CDKAL1: variants seen among roughly 807,000 people sequenced by gnomAD.
The protein encoded by CDKAL1 is threonylcarbamoyladenosine tRNA methylthiotransferase.
CDKAL1 carries 32 observed loss-of-function variants against 68.2 expected under a neutral mutation model. That is an observed-to-expected ratio of 0.47 (90% CI 0.35 to 0.63). CDKAL1 has a LOEUF of 0.63. CDKAL1 is among the 30% of genes least tolerant of loss of function. The pLI is 0.00. For missense variants in CDKAL1, 606 were observed against 696.7 expected (o/e 0.87, Z 1.47); for synonymous variants, 234 against 244.3 (o/e 0.96, Z 0.39).
chr6:20,818,184 G>A (rs567130763), intron 8 of CDKAL1, among the ~76,000 whole-genome samples: 1 of 152,030 alleles, frequency 6.6e-6, no homozygotes, highest in African/African-American at 2.4e-5. Context: ...TCACAATCAA[G>A]GGCTAGATTA....
chr6:21,181,246 ACT>A (rs1777778737), intron 13 of CDKAL1, among the ~76,000 whole-genome samples: 1 of 152,154 alleles, frequency 6.6e-6, no homozygotes, highest in African/African-American at 2.4e-5. Context: ...ACATCTCAAC[ACT>A]CTTACAATGG....
intron 12 of CDKAL1, 130 bp downstream of exon 12, chr6:21,065,358 TGGGGTCA>T: frequency 2.7e-6 from 2 of 737,354 alleles, no homozygotes; most frequent in South Asian, 4.0e-5. Context: ...ATTTCCAAGT[TGGGGTCA>T]GGGGCCAGGG....
At chr6:20,991,279 G>C (rs1766779930) in intron 10 of CDKAL1, among the ~76,000 whole-genome samples, 1 of 152,180 alleles carries the variant, frequency 6.6e-6, no homozygotes, top group South Asian at 2.1e-4. Flanking sequence ...AGCAGTTATG[G>C]GAGAGTTGTT....
chr6:20,995,349 C>T lies in CDKAL1; in HGVS notation c.910-4878C>T, dbSNP rs143987037. ...TCCTTTCCAGAAGGCTTTTAATTTA[C>T]TTTACCTAGATCCACCAGAGGAATC... On this transcript the variant is annotated intron_variant, in intron 10 of 15. Coordinates refer to ENST00000274695, the MANE Select transcript of CDKAL1 (RefSeq NM_017774.3). Among the ~76,000 whole-genome samples, 17 of 152,296 alleles carry T rather than the reference C, an allele frequency of 1.1e-4. No homozygotes were observed. The East Asian group carries it at 3.3e-3, about 29-fold the overall frequency.
chr6:20,578,529 G>A (rs1168352364), intron 4 of CDKAL1, among the ~76,000 whole-genome samples: 1 of 152,210 alleles, frequency 6.6e-6, no homozygotes, highest in African/African-American at 2.4e-5. Flanking sequence ...CAACAGAAAT[G>A]TGTATACTAG....
intron 11 of CDKAL1, among the ~76,000 whole-genome samples, chr6:21,060,658 C>G (rs1262974265): frequency 6.6e-6 from 1 of 151,942 alleles, no homozygotes. Flanking sequence ...AAATTTTTCT[C>G]TAAGCACTGC....
intron 9 of CDKAL1, among the ~76,000 whole-genome samples, chr6:20,938,567 G>A (rs139009868): frequency 1.3e-3 from 191 of 152,100 alleles, no homozygotes; most frequent in African/African-American, 4.1e-3. Context: ...CTATTAAAAT[G>A]AAATAATATT....
intron 11 of CDKAL1, among the ~76,000 whole-genome samples, chr6:21,003,594 T>C (rs550496785): frequency 4.2e-4 from 64 of 151,498 alleles, no homozygotes; most frequent in African/African-American, 1.4e-3. Context: ...AAAAAAGAAA[T>C]AAATGAAATA....
chr6:20,874,311 T>G (rs1467489730), intron 9 of CDKAL1, among the ~76,000 whole-genome samples: 1 of 30,974 alleles, frequency 3.2e-5, no homozygotes, highest in Non-Finnish European at 6.5e-5. Context: ...GTTTGTTTGT[T>G]TTTTTTTTGA....
At chr6:20,993,083 A>G (rs1398991154) in intron 10 of CDKAL1, among the ~76,000 whole-genome samples, 2 of 152,144 alleles carry the variant, frequency 1.3e-5, no homozygotes, top group African/African-American at 4.8e-5. Flanking sequence ...TTTTAGAGCT[A>G]GGAGAAGGGT....
rs550430468 is a variant in CDKAL1, at chr6:21,141,719, C to G, written c.1299+33256C>G. On this transcript the variant is annotated intron_variant, in intron 13 of 15. Coordinates refer to ENST00000274695, the MANE Select transcript of CDKAL1 (RefSeq NM_017774.3). ...TAGGAAGAAGGGGTAGAGAAATTATCCACATAAAAGGGTTAGCTCAGGCTT... is the reference window on the plus strand; with the variant it reads ...TAGGAAGAAGGGGTAGAGAAATTATGCACATAAAAGGGTTAGCTCAGGCTT... 1.2e-4 allele frequency among the ~76,000 whole-genome samples: 18 copies of G among 152,254 alleles called. 1 individual carries two copies. In the South Asian group the frequency reaches 2.3e-3, roughly 19 times the overall value.
At chr6:21,185,782 G>C (rs564306402) in intron 13 of CDKAL1, among the ~76,000 whole-genome samples, 104 of 152,206 alleles carry the variant, frequency 6.8e-4, no homozygotes, top group African/African-American at 2.4e-3. Flanking sequence ...ATAAATACTA[G>C]ATCAATTTTC....
At chr6:21,100,999 A>G (rs1773550530) in intron 12 of CDKAL1, among the ~76,000 whole-genome samples, 1 of 152,196 alleles carries the variant, frequency 6.6e-6, no homozygotes, top group Admixed American at 6.5e-5. Flanking sequence ...CTTACCAGGT[A>G]GGGGACTAAA....
intron 4 of CDKAL1, among the ~76,000 whole-genome samples, chr6:20,601,015 T>A (rs1280101272): frequency 6.6e-6 from 1 of 152,028 alleles, no homozygotes; most frequent in African/African-American, 2.4e-5. Context: ...GTCATGTATT[T>A]ACTCAGATTG....
intron 8 of CDKAL1, among the ~76,000 whole-genome samples, chr6:20,792,491 G>A (rs1486419491): frequency 2.6e-5 from 4 of 152,142 alleles, no homozygotes; most frequent in African/African-American, 2.4e-5. Context: ...TATATTTTAT[G>A]TACTGTTCTG....
chr6:20,686,793 T>C (rs1468181873), intron 5 of CDKAL1, among the ~76,000 whole-genome samples: 1 of 152,186 alleles, frequency 6.6e-6, no homozygotes, highest in African/African-American at 2.4e-5. Flanking sequence ...GCTTCGAGTT[T>C]CTCACCGTTA....
Position 20,888,533 on chromosome 6 carries a change from A to G in CDKAL1, c.742+42355A>G, listed in dbSNP as rs1271290198. On this transcript the variant is annotated intron_variant, in intron 9 of 15. Coordinates refer to ENST00000274695, the MANE Select transcript of CDKAL1 (RefSeq NM_017774.3). ...TATCCCTCCCCCCTCCCCCCACCCC[A>G]CAACAGTCCCCGGTGTGTGTTGTTC... Among the ~76,000 whole-genome samples, 3 of 43,028 alleles carry G rather than the reference A, an allele frequency of 7.0e-5. No individual in the cohort carries two copies. The East Asian group carries it at 2.4e-3, about 35-fold the overall frequency. The allele number at this position is 43,028 out of a possible 152,430, so 28.2% of individuals were successfully genotyped here. A position where few individuals can be genotyped will look rare whatever the true frequency, so the allele number is the denominator to read the frequency against.
chr6:20,721,994 A>T (rs1367207777), intron 5 of CDKAL1, among the ~76,000 whole-genome samples: 1 of 151,790 alleles, frequency 6.6e-6, no homozygotes, highest in Non-Finnish European at 1.5e-5. Context: ...GCCTCCCAAA[A>T]TGCTGGGATT....
At chr6:21,121,319 C>T (rs1264220184) in intron 13 of CDKAL1, among the ~76,000 whole-genome samples, 3 of 152,100 alleles carry the variant, frequency 2.0e-5, no homozygotes, top group South Asian at 4.1e-4. Context: ...TAGATGATGT[C>T]GGCAAGATAC....
Sources: allele counts gnomAD v4.1 joint callset (sites outside exome capture counted in the v4.1 genomes callset), GRCh38; gene constraint gnomAD v4.1.1; transcripts MANE v1.5; gene names NCBI Gene and HGNC (gene_info 2026-07-23, HGNC 2026-07-21).